UBE4B: variants seen among roughly 807,000 people sequenced by gnomAD.
UBE4B encodes ubiquitination factor E4B, also known as ubiquitin conjugation factor E4 B.
UBE4B carries 27 observed loss-of-function variants against 148.1 expected under a neutral mutation model. The ratio of observed to expected loss-of-function variants is 0.18; its 90% CI spans 0.13 to 0.25. UBE4B has a LOEUF of 0.25. UBE4B is among the 10% of genes least tolerant of loss of function. UBE4B has a pLI of 1.00. For missense variants in UBE4B, 1,170 were observed against 1,662.4 expected (o/e 0.70, Z 5.15); for synonymous variants, 596 against 619.3 (o/e 0.96, Z 0.56).
rs1044759733 is a variant in UBE4B, at chr1:10,147,220, G to A, written c.2591+130G>A. The A allele has an allele frequency of 1.0e-5, 15 of 1,432,158 alleles. No homozygotes were observed. In the African/African-American group the frequency reaches 1.8e-4, roughly 18 times the overall value. The allele number at this position is 1,432,158 out of a possible 1,614,324, so 88.7% of individuals were successfully genotyped here. On this transcript the variant is annotated intron_variant, in intron 19 of 27. Transcript: ENST00000343090. Reference sequence around the variant, plus strand: ...AGAATTCACTTCTCTGCAAGGCGCAGTGGTTCACGCCTGTAATCCCAGCAC... The same window carrying A: ...AGAATTCACTTCTCTGCAAGGCGCAATGGTTCACGCCTGTAATCCCAGCAC...
chr1:10,080,427 AAAGAAAG>A (rs1644659631), intron 2 of UBE4B, among the ~76,000 whole-genome samples: 1 of 144,110 alleles, frequency 6.9e-6, no homozygotes, highest in African/African-American at 2.9e-5. Flanking sequence ...AAAAAAAAAA[AAAGAAAG>A]AAAGAAAGAA....
At chr1:10,167,454 A>AATG (rs1198768078) in intron 23 of UBE4B, among the ~76,000 whole-genome samples, 1 of 149,914 alleles carries the variant, frequency 6.7e-6, no homozygotes, top group African/African-American at 2.5e-5. Flanking sequence ...TAATAATAAT[A>AATG]ATAATAATAA....
chr1:10,177,113 G>A (rs978922930), intron 25 of UBE4B, among the ~76,000 whole-genome samples: 1 of 151,916 alleles, frequency 6.6e-6, no homozygotes, highest in Non-Finnish European at 1.5e-5. Flanking sequence ...TATTCTGGAT[G>A]CTAGGTCATA....
rs1371239744 is a variant in UBE4B, at chr1:10,103,411, A to C, written c.580+319A>C. ...AGCATTACCTCCTCTTTATTTATTTATTTATTTATTTATTTATTTATTTAT... is the reference window on the plus strand; with the variant it reads ...AGCATTACCTCCTCTTTATTTATTTCTTTATTTATTTATTTATTTATTTAT... On this transcript the variant is annotated intron_variant, in intron 5 of 27. Coordinates refer to ENST00000343090, the MANE Select transcript of UBE4B (RefSeq NM_001105562.3). Among the ~76,000 whole-genome samples the C allele has an allele frequency of 1.3e-3, 172 of 132,008 alleles. 1 individual carries two copies. The highest frequency in any genetic ancestry group is 0.01 in the Admixed American group (143 of 13,636). 86.6% of individuals were successfully genotyped at this position (132,008 alleles called of 152,430 possible).
intron 1 of UBE4B, among the ~76,000 whole-genome samples, chr1:10,035,393 T>G (rs1231684408): frequency 2.3e-5 from 3 of 128,232 alleles, no homozygotes; most frequent in East Asian, 4.3e-4. Context: ...GATACTGTTT[T>G]TTTTTTTTTT....
At chr1:10,118,045 G>A (rs1645343198) in intron 8 of UBE4B, among the ~76,000 whole-genome samples, 1 of 152,114 alleles carries the variant, frequency 6.6e-6, no homozygotes, top group Non-Finnish European at 1.5e-5. Context: ...TTTTTTCAAC[G>A]TATGACTAAG....
intron 7 of UBE4B, among the ~76,000 whole-genome samples, chr1:10,107,045 C>T (rs1013863720): frequency 6.6e-6 from 1 of 152,104 alleles, no homozygotes; most frequent in Non-Finnish European, 1.5e-5. Context: ...TCCAGTGGCC[C>T]CTTCTCTCAA....
At chr1:10,105,465 A>T (rs1182617201) in intron 5 of UBE4B, 51 bp from the exon 6 acceptor site, 3 of 1,550,054 alleles carry the variant, frequency 1.9e-6, no homozygotes, top group Non-Finnish European at 2.7e-6. Flanking sequence ...GGGCTGTGTA[A>T]CCTGTGTTCG....
intron 7 of UBE4B, among the ~76,000 whole-genome samples, chr1:10,115,638 A>G (rs1472835649): frequency 2.6e-5 from 4 of 152,210 alleles, no homozygotes; most frequent in Non-Finnish European, 5.9e-5. Context: ...AATGATGTCC[A>G]TACAGACATG....
intron 10 of UBE4B, among the ~76,000 whole-genome samples, chr1:10,126,047 T>A (rs533907006): frequency 6.6e-6 from 1 of 152,342 alleles, no homozygotes; most frequent in Admixed American, 6.5e-5. Flanking sequence ...ATGCCTGTGA[T>A]CCCAGCACTT....
rs775280085 is a variant in UBE4B at position 10,178,739 on chromosome 1, C to T, written c.3621C>T (p.Leu1207=). ...STIAIEKFKL[L]AEKVEEIVAK... ...TAGCAATAGAAAAATTTAAGCTGCT[C>T]GCCGAGAAAGTGGAGGAGATAGTGG... Residue 1207 remains leucine, a synonymous_variant, in exon 26 of 28, where the codon CTC becomes CTT. Transcript: ENST00000343090. 1.4e-5 allele frequency: 22 copies of T among 1,613,642 alleles called. No individual in the cohort carries two copies. Among genetic ancestry groups the T allele is most frequent in the African/African-American group, 2.7e-5 (2 of 74,832 alleles).
intron 7 of UBE4B, among the ~76,000 whole-genome samples, chr1:10,114,381 A>C (rs945946222): frequency 3.3e-5 from 5 of 152,128 alleles, no homozygotes; most frequent in Non-Finnish European, 7.4e-5. Context: ...GCAAAGATAG[A>C]TATTTATTTT....
intron 1 of UBE4B, among the ~76,000 whole-genome samples, chr1:10,047,795 A>G (rs1643944088): frequency 6.6e-6 from 1 of 152,072 alleles, no homozygotes; most frequent in African/African-American, 2.4e-5. Flanking sequence ...CTTGGCCCAT[A>G]TGTCATTACT....
chr1:10,067,525 G>T (rs1413886594), intron 1 of UBE4B, among the ~76,000 whole-genome samples: 2 of 152,020 alleles, frequency 1.3e-5, no homozygotes, highest in Non-Finnish European at 2.9e-5. Flanking sequence ...TCATATTTTG[G>T]TGTGTTGTGA....
At chr1:10,160,258 C>G (rs773041187) in intron 22 of UBE4B, among the ~76,000 whole-genome samples, 3 of 152,162 alleles carry the variant, frequency 2.0e-5, no homozygotes, top group Non-Finnish European at 4.4e-5. Flanking sequence ...ATTACAGGTT[C>G]CAATTTTTCT....
chr1:10,074,679 A>T (rs949608231), intron 2 of UBE4B, among the ~76,000 whole-genome samples: 1 of 152,088 alleles, frequency 6.6e-6, no homozygotes, highest in African/African-American at 2.4e-5. Flanking sequence ...CCAGAACAGC[A>T]CATTCTCCTG....
chr1:10,101,252 T>G, intron 4 of UBE4B, 57 bp downstream of exon 4: 1 of 1,554,836 alleles, frequency 6.4e-7, no homozygotes, highest in Non-Finnish European at 8.9e-7. Flanking sequence ...ATTTCATGTC[T>G]TGTATCTGTA....
intron 12 of UBE4B, among the ~76,000 whole-genome samples, chr1:10,130,062 G>C (rs1645567657): frequency 6.6e-6 from 1 of 151,782 alleles, no homozygotes; most frequent in African/African-American, 2.4e-5. Flanking sequence ...TCATCCAATA[G>C]TATCCTGAAA....
At chr1:10,119,472 G>GT in intron 8 of UBE4B, 41 bp from the exon 9 acceptor site, 2 of 1,590,962 alleles carry the variant, frequency 1.3e-6, no homozygotes, top group African/African-American at 2.7e-5. Flanking sequence ...GAATTGTATT[G>GT]TTTGTTTCTT....
Sources: allele counts gnomAD v4.1 joint callset (sites outside exome capture counted in the v4.1 genomes callset), GRCh38; gene constraint gnomAD v4.1.1; transcripts MANE v1.5; gene names NCBI Gene and HGNC (gene_info 2026-07-23, HGNC 2026-07-21).